ZFPM2: variants seen among roughly 807,000 people sequenced by gnomAD.
ZFPM2 encodes zinc finger protein, FOG family member 2.
Under a neutral mutation model 98.6 loss-of-function variants are expected in ZFPM2, and 20 were observed. The observed-to-expected ratio is 0.20, with a 90% CI of 0.14 to 0.29. ZFPM2 has a LOEUF of 0.29. Among genes scored for constraint, ZFPM2 ranks in the 10% least tolerant of loss-of-function variants. The probability of loss-of-function intolerance (pLI) is 1.00; values close to 1 mark genes in which losing one functional copy is unlikely to be tolerated. For missense variants in ZFPM2, 1,310 were observed against 1,388.6 expected (o/e 0.94, Z 0.90); for synonymous variants, 518 against 502.7 (o/e 1.03, Z -0.41).
At chr8:105,548,051 G>A (rs1374722411) in intron 3 of ZFPM2, among the ~76,000 whole-genome samples, 3 of 151,764 alleles carry the variant, frequency 2.0e-5, no homozygotes, top group African/African-American at 7.3e-5. Flanking sequence ...AATTGTGGTC[G>A]TTTCTGAGTG....
At chr8:105,478,439 C>T (rs1233616740) in intron 3 of ZFPM2, among the ~76,000 whole-genome samples, 1 of 152,200 alleles carries the variant, frequency 6.6e-6, no homozygotes, top group Non-Finnish European at 1.5e-5. Context: ...CTTCTACTCT[C>T]TCCAAGACCC....
Position 105,802,848 on chromosome 8 carries a change from G to T in ZFPM2, c.2766G>T (p.Leu922Phe). 6.2e-7 allele frequency: 1 copy of T among 1,613,738 alleles called. No homozygotes were observed. Among genetic ancestry groups the T allele is most frequent in the Non-Finnish European group, 8.5e-7 (1 of 1,179,830 alleles). Residue 922 changes from leucine to phenylalanine, a missense_variant, in exon 8 of 8, where the codon TTG becomes TTT. By Grantham distance (22) the Leu-to-Phe change is conservative (BLOSUM62 0). Coordinates refer to ENST00000407775, the MANE Select transcript of ZFPM2 (RefSeq NM_012082.4). ...SIIKCEKNGN[L>F]KQPSPNGNLF... Reference sequence around the variant, plus strand: ...TAAAATGTGAGAAAAATGGGAATTTGAAGCAGCCTTCCCCCAATGGAAACT... The same window carrying T: ...TAAAATGTGAGAAAAATGGGAATTTTAAGCAGCCTTCCCCCAATGGAAACT...
At chr8:105,433,042 G>A (rs1030887983) in intron 2 of ZFPM2, among the ~76,000 whole-genome samples, 4 of 152,088 alleles carry the variant, frequency 2.6e-5, no homozygotes. Context: ...CAAGGTTACA[G>A]TGAACTGATT....
intron 3 of ZFPM2, among the ~76,000 whole-genome samples, chr8:105,507,286 A>G (rs1813723932): frequency 6.6e-6 from 1 of 152,196 alleles, no homozygotes; most frequent in Non-Finnish European, 1.5e-5. Flanking sequence ...GAGTGATCTC[A>G]GGTTAGGGGT....
chr8:105,587,935 G>A (rs962501708), intron 4 of ZFPM2, among the ~76,000 whole-genome samples: 11 of 152,080 alleles, frequency 7.2e-5, no homozygotes, highest in African/African-American at 2.4e-4. Context: ...GCCCCTAGCT[G>A]AGAACCGTTA....
At chr8:105,394,943 T>G (rs1811191628) in intron 1 of ZFPM2, among the ~76,000 whole-genome samples, 1 of 152,214 alleles carries the variant, frequency 6.6e-6, no homozygotes, top group Non-Finnish European at 1.5e-5. Context: ...GAATCGTGTA[T>G]GTGTCAAACA....
chr8:105,576,018 T>C lies in ZFPM2; in HGVS notation c.420+14537T>C, dbSNP rs1281315989. ...TACACATTAAATGTTTCAAACATAATTCATACAGCTAAGAAAATTCTAGTG... is the reference window on the plus strand; with the variant it reads ...TACACATTAAATGTTTCAAACATAACTCATACAGCTAAGAAAATTCTAGTG... On this transcript the variant is annotated intron_variant, in intron 4 of 7. Coordinates refer to ENST00000407775, the MANE Select transcript of ZFPM2 (RefSeq NM_012082.4). Among the ~76,000 whole-genome samples the C allele has an allele frequency of 3.3e-5, 5 of 152,316 alleles. No individual in the cohort carries two copies. In the East Asian group the frequency reaches 9.6e-4, roughly 29 times the overall value.
intron 5 of ZFPM2, among the ~76,000 whole-genome samples, chr8:105,690,688 C>T (rs1810858884): frequency 6.6e-6 from 1 of 152,096 alleles, no homozygotes; most frequent in South Asian, 2.1e-4. Context: ...CTCATAATAA[C>T]TCACACCGCA....
intron 1 of ZFPM2, among the ~76,000 whole-genome samples, chr8:105,368,196 TTG>T (rs1043188663): frequency 1.4e-5 from 2 of 147,654 alleles, no homozygotes; most frequent in African/African-American, 5.0e-5. Context: ...TCTTTTTTGG[TTG>T]TGTCTCTGCC....
chr8:105,417,778 CCTT>C (rs1354620318), intron 1 of ZFPM2, among the ~76,000 whole-genome samples: 1 of 152,104 alleles, frequency 6.6e-6, no homozygotes, highest in African/African-American at 2.4e-5. Flanking sequence ...GTTCTTTTAA[CCTT>C]CTACCTTGAG....
chr8:105,601,164 G>C (rs1385601333), intron 4 of ZFPM2, among the ~76,000 whole-genome samples: 3 of 152,022 alleles, frequency 2.0e-5, no homozygotes, highest in Admixed American at 2.0e-4. Context: ...CTGAAGCCCT[G>C]CACCATACTG....
At chr8:105,434,904 G>A (rs1175454911) in intron 2 of ZFPM2, among the ~76,000 whole-genome samples, 2 of 152,250 alleles carry the variant, frequency 1.3e-5, no homozygotes, top group African/African-American at 2.4e-5. Flanking sequence ...TGACTGTCTC[G>A]GAATGTGGCA....
intron 3 of ZFPM2, among the ~76,000 whole-genome samples, chr8:105,454,014 C>A (rs545251867): frequency 1.3e-5 from 2 of 152,060 alleles, no homozygotes; most frequent in Non-Finnish European, 2.9e-5. Context: ...TAAAAATATT[C>A]TTAATATTAT....
chr8:105,649,768 C>G (rs1284334326), intron 5 of ZFPM2, among the ~76,000 whole-genome samples: 1 of 152,068 alleles, frequency 6.6e-6, no homozygotes, highest in African/African-American at 2.4e-5. Context: ...TGATGTGCTG[C>G]TGGATTCAGT....
At chr8:105,355,466 T>G (rs1399928472) in intron 1 of ZFPM2, among the ~76,000 whole-genome samples, 1 of 152,208 alleles carries the variant, frequency 6.6e-6, no homozygotes, top group Non-Finnish European at 1.5e-5. Context: ...ACTTGAAAAC[T>G]TGAAGGAAGT....
chr8:105,339,200 C>T (rs1431064566), intron 1 of ZFPM2, among the ~76,000 whole-genome samples: 2 of 151,838 alleles, frequency 1.3e-5, no homozygotes, highest in Non-Finnish European at 2.9e-5. Context: ...CCCCTCACTA[C>T]CGACACCGAA....
chr8:105,479,057 C>G (rs1813066596), intron 3 of ZFPM2, among the ~76,000 whole-genome samples: 1 of 152,146 alleles, frequency 6.6e-6, no homozygotes, highest in African/African-American at 2.4e-5. Flanking sequence ...ATAACTTTCT[C>G]TTTTAAGTGT....
intron 4 of ZFPM2, among the ~76,000 whole-genome samples, chr8:105,591,549 A>G (rs2130765402): frequency 6.6e-6 from 1 of 152,322 alleles, no homozygotes; most frequent in Non-Finnish European, 1.5e-5. Flanking sequence ...AATCAAATCG[A>G]TGCTAAAATA....
chr8:105,609,087 C>A (rs2130796353), intron 4 of ZFPM2, among the ~76,000 whole-genome samples: 1 of 152,078 alleles, frequency 6.6e-6, no homozygotes, highest in Admixed American at 6.5e-5. Flanking sequence ...AGCAATATAT[C>A]AACAAGTACA....
Sources: allele counts gnomAD v4.1 joint callset (sites outside exome capture counted in the v4.1 genomes callset), GRCh38; gene constraint gnomAD v4.1.1; transcripts MANE v1.5; gene names NCBI Gene and HGNC (gene_info 2026-07-23, HGNC 2026-07-21).